BBX: variants seen among roughly 807,000 people sequenced by gnomAD.
The protein encoded by BBX is HMG box transcription factor BBX.
BBX carries 30 observed loss-of-function variants against 100.2 expected under a neutral mutation model. That is an observed-to-expected ratio of 0.30 (90% confidence interval 0.22 to 0.41). The LOEUF (loss-of-function observed/expected upper bound fraction) is 0.41, where lower values mean the gene tolerates loss of function less well. Among genes scored for constraint, BBX ranks in the 10% least tolerant of loss-of-function variants. The pLI, the probability that BBX is intolerant of heterozygous loss-of-function variation, is 1.00. For synonymous variants in BBX, 376 were observed against 388.1 expected (o/e 0.97, Z 0.37); for missense variants, 1,023 against 1,129.8 (o/e 0.91, Z 1.35).
At chr3:107,625,450 G>A (rs533115860) in intron 2 of BBX, among the ~76,000 whole-genome samples, 2 of 152,182 alleles carry the variant, frequency 1.3e-5, no homozygotes, top group East Asian at 1.9e-4. Flanking sequence ...GCTAATTTTT[G>A]TATTTTTATT....
At chr3:107,675,901 G>T (rs1362982744) in intron 3 of BBX, among the ~76,000 whole-genome samples, 2 of 152,190 alleles carry the variant, frequency 1.3e-5, no homozygotes, top group East Asian at 3.8e-4. Context: ...TTCATTTTTA[G>T]AAGAGTAGCT....
At chr3:107,748,588 C>A (rs2064815756) in intron 9 of BBX, among the ~76,000 whole-genome samples, 1 of 152,176 alleles carries the variant, frequency 6.6e-6, no homozygotes. Flanking sequence ...GAAGAGAGCA[C>A]ACACCAGAGG....
At chr3:107,541,158 G>C (rs1332442259) in intron 2 of BBX, among the ~76,000 whole-genome samples, 3 of 152,070 alleles carry the variant, frequency 2.0e-5, no homozygotes, top group Non-Finnish European at 4.4e-5. Context: ...CTCTTAGGTA[G>C]GTGTCCTTAT....
chr3:107,636,377 A>G (rs1455103871), intron 2 of BBX, among the ~76,000 whole-genome samples: 1 of 152,222 alleles, frequency 6.6e-6, no homozygotes. Flanking sequence ...GCAAAAGCAT[A>G]CATGTCTATA....
At chr3:107,647,357 A>T (rs1321357064) in intron 3 of BBX, among the ~76,000 whole-genome samples, 2 of 152,214 alleles carry the variant, frequency 1.3e-5, no homozygotes, top group Non-Finnish European at 2.9e-5. Context: ...GTTCAGAAAA[A>T]CTAAGTAATG....
chr3:107,565,454 T>TATTTATTC (rs1553727742), intron 2 of BBX, among the ~76,000 whole-genome samples: 1 of 146,568 alleles, frequency 6.8e-6, no homozygotes, highest in South Asian at 2.1e-4. Context: ...TTTATTTATT[T>TATTTATTC]ATTTATTTAT....
chr3:107,572,698 A>G (rs649095), intron 2 of BBX, among the ~76,000 whole-genome samples: 13,591 of 152,258 alleles, frequency 0.089, 770 homozygotes, highest in Non-Finnish European at 0.12. Flanking sequence ...AAAATTATAT[A>G]TCTTAAAAGT....
intron 6 of BBX, among the ~76,000 whole-genome samples, chr3:107,731,534 C>T (rs920087253): frequency 3.9e-5 from 6 of 152,092 alleles, no homozygotes; most frequent in Non-Finnish European, 5.9e-5. Flanking sequence ...AGCTTTGTTT[C>T]ATCAAATTAG....
chr3:107,778,436 C>A lies in BBX; in HGVS notation c.2120C>A (p.Thr707Lys). ...FNSLPQYSPVTFDRKCVPVPR... is the reference protein window; with the variant it reads ...FNSLPQYSPVKFDRKCVPVPR... ...AGCCTCCCTCAATATAGTCCTGTTA[C>A]ATTTGACCGGAAATGTGTACCTGTC... Residue 707 changes from threonine (T) to lysine (K), a missense_variant, in exon 13 of 18, where the codon ACA (threonine) becomes AAA (lysine). Physicochemically the swap from Thr to Lys is moderately conservative, Grantham distance 78 (BLOSUM62 -1). Coordinates refer to ENST00000325805, the MANE Select transcript of BBX (RefSeq NM_001142568.3). The A allele has an allele frequency of 6.2e-7, 1 of 1,613,338 alleles. No individual in the cohort carries two copies. Among genetic ancestry groups the A allele is most frequent in the Non-Finnish European group, 8.5e-7 (1 of 1,179,486 alleles).
intron 3 of BBX, among the ~76,000 whole-genome samples, chr3:107,696,015 C>A (rs1332546845): frequency 6.6e-6 from 1 of 151,782 alleles, no homozygotes; most frequent in Non-Finnish European, 1.5e-5. Flanking sequence ...ACTAGGATTG[C>A]AACCCCTGCC....
chr3:107,650,636 A>G (rs1427885125), intron 3 of BBX, among the ~76,000 whole-genome samples: 1 of 152,114 alleles, frequency 6.6e-6, no homozygotes, highest in African/African-American at 2.4e-5. Context: ...TTGGGCCTGG[A>G]TTAGTCTTCA....
At chr3:107,670,587 A>G (rs2058969323) in intron 3 of BBX, among the ~76,000 whole-genome samples, 2 of 152,148 alleles carry the variant, frequency 1.3e-5, no homozygotes, top group Non-Finnish European at 2.9e-5. Context: ...TTCAAAAAGA[A>G]TAAAAATTAT....
intron 2 of BBX, among the ~76,000 whole-genome samples, chr3:107,606,462 G>A (rs536290184): frequency 5.3e-4 from 81 of 152,290 alleles, no homozygotes; most frequent in Non-Finnish European, 1.1e-3. Context: ...GGAAGCCCCT[G>A]GTTTTATTAA....
intron 2 of BBX, among the ~76,000 whole-genome samples, chr3:107,583,947 TTATTA>T (rs1487387052): frequency 6.4e-5 from 6 of 93,552 alleles, no homozygotes; most frequent in South Asian, 2.4e-4. Flanking sequence ...ATTATATATA[TTATTA>T]TATTATATAT....
intron 3 of BBX, among the ~76,000 whole-genome samples, chr3:107,686,926 A>T (rs1012504981): frequency 6.6e-6 from 1 of 152,166 alleles, no homozygotes; most frequent in Non-Finnish European, 1.5e-5. Flanking sequence ...TCTCCATAAT[A>T]AATTATGCAC....
intron 2 of BBX, among the ~76,000 whole-genome samples, chr3:107,631,168 C>A (rs539757132): frequency 6.6e-6 from 1 of 152,320 alleles, no homozygotes; most frequent in Admixed American, 6.5e-5. Context: ...GGACAGGAGT[C>A]TTTTCCATTA....
rs2064764076 is a variant in BBX at position 107,747,976 on chromosome 3, T to A, written c.762T>A (p.Ser254Arg). 1 of 1,612,836 alleles carries A rather than the reference T, an allele frequency of 6.2e-7. No homozygotes were observed. Among genetic ancestry groups the A allele is most frequent in the African/African-American group, 1.3e-5 (1 of 74,882 alleles). ...TTGTTTCCTTTCAGATATCTTCAAG[T>A]ACGTCCCACTCTGATGCTTCTACAA... ...PLFQFAEISSSTSHSDASTKQ... is the reference protein window; with the variant it reads ...PLFQFAEISSRTSHSDASTKQ... The change falls in exon 9 of 18, where the codon AGT (serine) becomes AGA (arginine). Residue 254 changes from serine to arginine, a missense_variant. Physicochemically the swap from Ser to Arg is moderately radical, Grantham distance 110. Around this residue, in one of 9 missense-constraint regions of BBX, gnomAD observed 95 missense variants for 95.1 expected, o/e 1.00. Transcript: ENST00000325805.
At chr3:107,610,471 C>T (rs940059681) in intron 2 of BBX, among the ~76,000 whole-genome samples, 3 of 151,930 alleles carry the variant, frequency 2.0e-5, no homozygotes, top group African/African-American at 7.2e-5. Context: ...ATTGGGGTCT[C>T]TCTCTCTTTC....
At chr3:107,576,924 G>C (rs964085917) in intron 2 of BBX, among the ~76,000 whole-genome samples, 1 of 152,016 alleles carries the variant, frequency 6.6e-6, no homozygotes, top group Non-Finnish European at 1.5e-5. Flanking sequence ...GCATTGGGGC[G>C]ATCTTGGCTC....
Sources: allele counts gnomAD v4.1 joint callset (sites outside exome capture counted in the v4.1 genomes callset), GRCh38; gene constraint gnomAD v4.1.1; regional missense constraint gnomAD v4.1.1; transcripts MANE v1.5; gene names NCBI Gene and HGNC (gene_info 2026-07-23, HGNC 2026-07-21).